The following WDFY2 variants were observed in gnomAD, a reference collection of about 807,000 sequenced individuals.
WDFY2 encodes the protein WD repeat and FYVE domain-containing protein 2.
A neutral mutation model predicts 56.4 loss-of-function variants in WDFY2; 36 were observed. The ratio of observed to expected loss-of-function variants is 0.64; its 90% confidence interval spans 0.49 to 0.84. The LOEUF (loss-of-function observed/expected upper bound fraction) is 0.84, where lower values mean the gene tolerates loss of function less well. WDFY2 is among the 40% of genes least tolerant of loss of function. The pLI is 0.00. For synonymous variants in WDFY2, 176 were observed against 183.7 expected (o/e 0.96, Z 0.34); for missense variants, 444 against 512.2 (o/e 0.87, Z 1.29).
At chr13:51,591,936 T>G (rs1010044361) in intron 1 of WDFY2, 3 of 146,402 alleles carry the variant, frequency 2.0e-5, no homozygotes, top group African/African-American at 7.6e-5. Flanking sequence ...AGTTAGGAGA[T>G]AACTGTTCTA....
chr13:51,636,933 A>G (rs138586488), intron 1 of WDFY2, among the ~76,000 whole-genome samples: 1 of 152,366 alleles, frequency 6.6e-6, no homozygotes, highest in East Asian at 1.9e-4. Flanking sequence ...CCACATGCAA[A>G]AATGAATACA....
intron 2 of WDFY2, among the ~76,000 whole-genome samples, chr13:51,665,003 A>C (rs1452431875): frequency 6.6e-6 from 1 of 152,202 alleles, no homozygotes; most frequent in Admixed American, 6.5e-5. Flanking sequence ...TGCAGTGTTT[A>C]CAGTCTGGTG....
chr13:51,682,821 T>C (rs1956000792), intron 3 of WDFY2, among the ~76,000 whole-genome samples: 1 of 152,196 alleles, frequency 6.6e-6, no homozygotes, highest in South Asian at 2.1e-4. Context: ...CCAGGAAGCC[T>C]TGGTTAAAGT....
intron 1 of WDFY2, chr13:51,591,969 A>C (rs1954052260): frequency 7.1e-6 from 1 of 140,686 alleles, no homozygotes; most frequent in South Asian, 2.4e-4. Context: ...CCAGAGCCAG[A>C]GAGGGTTCAG....
At chr13:51,707,416 C>T (rs763880562) in intron 4 of WDFY2, among the ~76,000 whole-genome samples, 9 of 152,316 alleles carry the variant, frequency 5.9e-5, no homozygotes, top group Non-Finnish European at 1.3e-4. Context: ...ACCTTGGCCT[C>T]CCAAAGTACT....
chr13:51,648,640 G>A (rs1955307458), intron 1 of WDFY2, among the ~76,000 whole-genome samples: 1 of 151,368 alleles, frequency 6.6e-6, no homozygotes, highest in Admixed American at 6.6e-5. Flanking sequence ...GGGAACTTGA[G>A]GATGGGTCAG....
Position 51,764,242 on chromosome 13 carries a change from C to T in WDFY2, c.*4473C>T, listed in dbSNP as rs956001015. On this transcript the variant is annotated 3_prime_UTR_variant, in exon 12 of 12. Coordinates refer to ENST00000298125, the MANE Select transcript of WDFY2 (RefSeq NM_052950.4). The stretch of plus-strand genomic sequence containing the variant: ...GTGCAAGGTGTCTGAGGCCCATTCT[C>T]AGGCTGGGCAGAGGTCACACAGTGA... The T allele has an allele frequency of 1.3e-5, 2 of 152,206 alleles. No individual in the cohort carries two copies. Among genetic ancestry groups the T allele is most frequent in the Non-Finnish European group, 2.9e-5 (2 of 68,058 alleles). The allele number at this position is 152,206 out of a possible 1,614,324, so 9.4% of individuals were successfully genotyped here.
At chr13:51,740,330 A>G (rs999880918) in intron 7 of WDFY2, among the ~76,000 whole-genome samples, 1 of 152,258 alleles carries the variant, frequency 6.6e-6, no homozygotes, top group Non-Finnish European at 1.5e-5. Flanking sequence ...AGTTCATTAG[A>G]GGAATCATTC....
chr13:51,606,623 C>T (rs1286566191), intron 1 of WDFY2, among the ~76,000 whole-genome samples: 1 of 152,116 alleles, frequency 6.6e-6, no homozygotes, highest in Admixed American at 6.5e-5. Flanking sequence ...AATGTCACAA[C>T]ATGCCTATAC....
At chr13:51,661,294 C>A (rs1955607738) in intron 2 of WDFY2, among the ~76,000 whole-genome samples, 1 of 152,154 alleles carries the variant, frequency 6.6e-6, no homozygotes, top group Non-Finnish European at 1.5e-5. Flanking sequence ...TAGGAAATTT[C>A]TTTTTAGTCT....
intron 1 of WDFY2, chr13:51,591,510 T>G (rs1954042373): frequency 6.6e-6 from 1 of 152,184 alleles, no homozygotes; most frequent in African/African-American, 2.4e-5. Flanking sequence ...CCATAAATCA[T>G]AGTAAAAAAT....
intron 3 of WDFY2, among the ~76,000 whole-genome samples, chr13:51,680,235 G>A (rs1288655602): frequency 6.6e-6 from 1 of 152,134 alleles, no homozygotes; most frequent in Non-Finnish European, 1.5e-5. Flanking sequence ...CCAAGTAGCT[G>A]GGACTACAGA....
At chr13:51,659,464 T>G (rs2138452881) in intron 1 of WDFY2, among the ~76,000 whole-genome samples, 1 of 152,282 alleles carries the variant, frequency 6.6e-6, no homozygotes. Flanking sequence ...ACTTTTTCCA[T>G]TTGTTTGATG....
chr13:51,681,911 C>T (rs1955983029), intron 3 of WDFY2, among the ~76,000 whole-genome samples: 1 of 152,146 alleles, frequency 6.6e-6, no homozygotes, highest in Non-Finnish European at 1.5e-5. Flanking sequence ...TATGTCATTG[C>T]GCGTGTAGCC....
chr13:51,633,888 T>G (rs1459622254), intron 1 of WDFY2, among the ~76,000 whole-genome samples: 1 of 152,244 alleles, frequency 6.6e-6, no homozygotes, highest in Non-Finnish European at 1.5e-5. Context: ...TTCTGAGCTT[T>G]CAGTTCTTTC....
At chr13:51,695,287 T>C (rs1222160694) in intron 3 of WDFY2, among the ~76,000 whole-genome samples, 1 of 152,214 alleles carries the variant, frequency 6.6e-6, no homozygotes, top group Non-Finnish European at 1.5e-5. Flanking sequence ...GTTTTTCTGC[T>C]CTGTTTTTTC....
chr13:51,729,304 C>T (rs1476405198), intron 6 of WDFY2, among the ~76,000 whole-genome samples: 1 of 151,900 alleles, frequency 6.6e-6, no homozygotes, highest in Non-Finnish European at 1.5e-5. Flanking sequence ...GTCCTCAGTT[C>T]ACTCCTTCTC....
chr13:51,643,222 T>C (rs953939150), intron 1 of WDFY2, among the ~76,000 whole-genome samples: 6 of 152,184 alleles, frequency 3.9e-5, no homozygotes, highest in Non-Finnish European at 8.8e-5. Context: ...AAATTCTGTA[T>C]CCATTACACA....
At chr13:51,598,977 C>T (rs565050059) in intron 1 of WDFY2, among the ~76,000 whole-genome samples, 1 of 145,952 alleles carries the variant, frequency 6.9e-6, no homozygotes, top group Non-Finnish European at 1.5e-5. Flanking sequence ...GGTATAATCT[C>T]GTCTCACTGC....
Sources: allele counts gnomAD v4.1 joint callset (sites outside exome capture counted in the v4.1 genomes callset), GRCh38; gene constraint gnomAD v4.1.1; transcripts MANE v1.5; gene names NCBI Gene and HGNC (gene_info 2026-07-23, HGNC 2026-07-21).